Variants in HNRNPR observed in about 807,000 individuals in gnomAD.
HNRNPR encodes the protein heterogeneous nuclear ribonucleoprotein R.
HNRNPR carries 4 observed loss-of-function variants against 70.3 expected under a neutral mutation model. The observed-to-expected ratio is 0.06, with a 90% confidence interval of 0.03 to 0.13. The LOEUF (loss-of-function observed/expected upper bound fraction) is 0.13. Ranked by LOEUF, HNRNPR falls within the 10% of genes least tolerant of loss-of-function variation. HNRNPR has a pLI of 1.00. For missense variants in HNRNPR, 423 were observed against 788.5 expected, an observed-to-expected ratio of 0.54 and a Z score of 5.55; for synonymous variants, 241 against 267.6, an observed-to-expected ratio of 0.90 and a Z score of 0.97.
rs1646827834 is a variant in HNRNPR, at chr1:23,344,216, C to T, written c.-15G>A. On this transcript the variant is annotated 5_prime_UTR_variant, in exon 1 of 11. Transcript: ENST00000302271. Reference sequence around the variant, plus strand: ...CGGGCCGGCGCGAGACTCACCAGGGCAGAGCGGGGGCCGGCAGCCGGGCCC... The same window carrying T: ...CGGGCCGGCGCGAGACTCACCAGGGTAGAGCGGGGGCCGGCAGCCGGGCCC... 6.6e-6 allele frequency: 1 copy of T among 152,502 alleles called. No individual in the cohort carries two copies. The highest frequency in any genetic ancestry group is 2.1e-4 in the South Asian group (1 of 4,832). 9.4% of individuals were successfully genotyped at this position (152,502 alleles called of 1,614,324 possible).
At chr1:23,325,439 T>C (rs1360698956) in intron 5 of HNRNPR, among the ~76,000 whole-genome samples, 3 of 152,218 alleles carry the variant, frequency 2.0e-5, no homozygotes, top group African/African-American at 4.8e-5. Flanking sequence ...CTGGTAAAAC[T>C]TGAGGTATTC....
At chr1:23,334,394 G>A (rs944630713) in intron 4 of HNRNPR, among the ~76,000 whole-genome samples, 20 of 151,846 alleles carry the variant, frequency 1.3e-4, no homozygotes, top group Admixed American at 6.6e-4. Flanking sequence ...CCGCCACAAC[G>A]CCCGGCTAAT....
At chr1:23,343,861 G>C (rs544289558) in intron 1 of HNRNPR, among the ~76,000 whole-genome samples, 11 of 152,196 alleles carry the variant, frequency 7.2e-5, no homozygotes, top group African/African-American at 2.6e-4. Flanking sequence ...GCGGGGAGAA[G>C]CGGCAGGGCC....
chr1:23,314,675 A>G (rs568818731), intron 8 of HNRNPR, among the ~76,000 whole-genome samples: 103 of 152,350 alleles, frequency 6.8e-4, no homozygotes, highest in Non-Finnish European at 2.2e-4. Flanking sequence ...GGCAAAATTC[A>G]AAAGTTTGAT....
chr1:23,315,713 A>G (rs1004590821), intron 8 of HNRNPR, among the ~76,000 whole-genome samples: 1 of 152,210 alleles, frequency 6.6e-6, no homozygotes, highest in African/African-American at 2.4e-5. Flanking sequence ...AAAACATAGT[A>G]CCTATCCAAA....
rs1427422397 is a variant in HNRNPR at position 23,305,056 on chromosome 1, T to C, written c.*5398A>G. On this transcript the variant is annotated 3_prime_UTR_variant, in exon 11 of 11. Transcript: ENST00000302271. ...GTTCATGGGATCCTGACAAATCTAC[T>C]ATATAAAGTGAGAGCCCTTATTTAA... is the stretch of plus-strand genomic sequence containing the variant. 5 of 152,222 alleles carry C rather than the reference T, an allele frequency of 3.3e-5. No homozygotes were observed. Among genetic ancestry groups the C allele is most frequent in the Admixed American group, 3.3e-4 (5 of 15,288 alleles). 9.4% of individuals were successfully genotyped at this position (152,222 alleles called of 1,614,324 possible). A position where few individuals can be genotyped will look rare whatever the true frequency, so the allele number is the denominator to read the frequency against.
chr1:23,312,924 T>C (rs998296806), intron 9 of HNRNPR, among the ~76,000 whole-genome samples: 6 of 152,158 alleles, frequency 3.9e-5, no homozygotes, highest in Non-Finnish European at 7.4e-5. Context: ...CCATTAAAGA[T>C]AGTCCTAAAC....
chr1:23,342,860 C>T (rs1423536585), intron 1 of HNRNPR, among the ~76,000 whole-genome samples: 2 of 152,082 alleles, frequency 1.3e-5, no homozygotes, highest in Non-Finnish European at 2.9e-5. Context: ...GTATTAAGTA[C>T]AAGACAGAAA....
intron 5 of HNRNPR, among the ~76,000 whole-genome samples, chr1:23,330,448 T>A: frequency 6.6e-6 from 1 of 151,968 alleles, no homozygotes; most frequent in African/African-American, 2.4e-5. Flanking sequence ...GGCAGGAGGA[T>A]CGCTTGAACC....
chr1:23,336,472 T>C (rs375413662), intron 4 of HNRNPR, among the ~76,000 whole-genome samples: 1 of 145,980 alleles, frequency 6.9e-6, no homozygotes, highest in African/African-American at 2.6e-5. Context: ...CTCAGGAGGC[T>C]GAGGCAGGAG....
Position 23,318,156 on chromosome 1 carries a change from A to G in HNRNPR, c.1017+327T>C, listed in dbSNP as rs1645622645. ...TCTCCAAAACATTACTTCTCTCTTT[A>G]CTCAGGACTTTTAAAAAAAAAAAAA... On this transcript the variant is annotated intron_variant, in intron 8 of 10. Transcript: ENST00000302271. The surrounding 1 kb of genome is among the most constrained non-coding windows in gnomAD (Gnocchi z 4.2). Among the ~76,000 whole-genome samples the G allele has an allele frequency of 6.7e-6, 1 of 149,868 alleles. No homozygotes were observed. Among genetic ancestry groups the G allele is most frequent in the Non-Finnish European group, 1.5e-5 (1 of 67,770 alleles).
At chr1:23,316,342 T>C (rs972168764) in intron 8 of HNRNPR, among the ~76,000 whole-genome samples, 1 of 152,120 alleles carries the variant, frequency 6.6e-6, no homozygotes, top group Admixed American at 6.5e-5. Flanking sequence ...AAGGGCTCCA[T>C]AATATTTAAT....
At chr1:23,326,468 T>C (rs1357461040) in intron 5 of HNRNPR, among the ~76,000 whole-genome samples, 8 of 152,172 alleles carry the variant, frequency 5.3e-5, no homozygotes. Flanking sequence ...ATGTCACTAA[T>C]AAACTTCTAA....
rs1365560096 is a variant in HNRNPR, at chr1:23,311,008, C to A, written c.1348G>T (p.Gly450Cys). The A allele has an allele frequency of 6.2e-7, 1 of 1,614,112 alleles. No individual in the cohort carries two copies. Among genetic ancestry groups the A allele is most frequent in the South Asian group, 1.1e-5 (1 of 91,078 alleles). ...PRMPPPIRGR[G>C]RGGGRGGYGY... Reference sequence around the variant, plus strand: ...TATCCACCTCTCCCCCCACCACGACCCCGACCTCTAATTGGAGGTGGCATG... The same window carrying A: ...TATCCACCTCTCCCCCCACCACGACACCGACCTCTAATTGGAGGTGGCATG... Residue 450 changes from glycine (G) to cysteine (C), a missense_variant, in exon 11 of 11, where the codon GGT becomes TGT. Around this residue, in one of 7 missense-constraint regions of HNRNPR, gnomAD observed 169 missense variants for 195.6 expected, o/e 0.86. Transcript: ENST00000302271.
At chr1:23,340,160 T>C (rs1418113801) in intron 2 of HNRNPR, among the ~76,000 whole-genome samples, 1 of 152,192 alleles carries the variant, frequency 6.6e-6, no homozygotes, top group Non-Finnish European at 1.5e-5. Context: ...TTTCCATCTA[T>C]GTCCCCAAAG....
intron 7 of HNRNPR, 81 bp downstream of exon 7, chr1:23,321,447 C>T (rs772018202): frequency 1.7e-6 from 2 of 1,183,684 alleles, no homozygotes; most frequent in Non-Finnish European, 2.4e-6. Context: ...TTAATACATA[C>T]AACCCCTCAG....
Position 23,307,643 on chromosome 1 carries a change from A to G in HNRNPR, c.*2811T>C, listed in dbSNP as rs530010993. 84 of 152,242 alleles carry G rather than the reference A, an allele frequency of 5.5e-4. No homozygotes were observed. The highest frequency in any genetic ancestry group is 1.9e-3 in the African/African-American group (81 of 41,576). The allele number at this position is 152,242 out of a possible 1,614,324, so 9.4% of individuals were successfully genotyped here. A position where few individuals can be genotyped will look rare whatever the true frequency, so the allele number is the denominator to read the frequency against. On this transcript the variant is annotated 3_prime_UTR_variant, in exon 11 of 11. Coordinates refer to ENST00000302271, the MANE Select transcript of HNRNPR (RefSeq NM_005826.5). The stretch of plus-strand genomic sequence containing the variant: ...CTTTTTTGCTCTTAAAAATTAAAAT[A>G]CCTTCATATAAATACATACATTTAA...
rs916728770 is a variant in HNRNPR, at chr1:23,308,542, T to A, written c.*1912A>T. 1 of 152,050 alleles carries A rather than the reference T, an allele frequency of 6.6e-6. No individual in the cohort carries two copies. The highest frequency in any genetic ancestry group is 2.4e-5 in the African/African-American group (1 of 41,456). The allele number at this position is 152,050 out of a possible 1,614,324, so 9.4% of individuals were successfully genotyped here. ...GTGTCTTTACTTGCATACATGGGCA[T>A]AAGAAAAACAACTGGATCTGTCTTA... On this transcript the variant is annotated 3_prime_UTR_variant, in exon 11 of 11. Coordinates refer to ENST00000302271, the MANE Select transcript of HNRNPR (RefSeq NM_005826.5).
rs571645525 is a variant in HNRNPR, at chr1:23,329,628, T to C, written c.498+3890A>G. On this transcript the variant is annotated intron_variant, in intron 5 of 10. Coordinates refer to ENST00000302271, the MANE Select transcript of HNRNPR (RefSeq NM_005826.5). ...GTAATAAAGGAAGTAACCAAGTCAT[T>C]CAACAGTCTTTTCTTTTTTTGAGAC... is the stretch of plus-strand genomic sequence containing the variant. Among the ~76,000 whole-genome samples, 59 of 152,290 alleles carry C rather than the reference T, an allele frequency of 3.9e-4. 2 individuals are homozygous for C. The South Asian group carries it at 9.5e-3, about 25-fold the overall frequency.
Sources: allele counts gnomAD v4.1 joint callset (sites outside exome capture counted in the v4.1 genomes callset), GRCh38; gene constraint gnomAD v4.1.1; regional missense constraint gnomAD v4.1.1; non-coding constraint Gnocchi (gnomAD v3.1); transcripts MANE v1.5; gene names NCBI Gene and HGNC (gene_info 2026-07-23, HGNC 2026-07-21).